The following ABI3BP variants were observed in gnomAD, a reference collection of about 807,000 sequenced individuals.
ABI3BP encodes the protein target of Nesh-SH3.
In ABI3BP, 216 loss-of-function variants were observed where a neutral mutation model predicts 268.6. That is an observed-to-expected ratio of 0.80 (90% CI 0.72 to 0.90). The LOEUF is 0.90. Among genes scored for constraint, ABI3BP ranks in the 40% least tolerant of loss-of-function variants. The pLI is 0.00. For synonymous variants in ABI3BP, 730 were observed against 730.0 expected, an observed-to-expected ratio of 1.00 and a Z score of 0.00; for missense variants, 2,090 against 2,182.4, an observed-to-expected ratio of 0.96 and a Z score of 0.84.
intron 1 of ABI3BP, chr3:100,952,795 G>T (rs2075555656): frequency 6.7e-6 from 1 of 149,330 alleles, no homozygotes; most frequent in Non-Finnish European, 1.5e-5. Flanking sequence ...TTTTTAGGAA[G>T]AAGCCCATCA....
At position 100,771,819 on chromosome 3, in the gene ABI3BP, C is replaced by T. The variant is rs148355741; in HGVS notation, c.4532-867G>A. 3.7e-3 allele frequency among the ~76,000 whole-genome samples: 569 copies of T among 151,968 alleles called. 5 individuals carry two copies. Among genetic ancestry groups the T allele is most frequent in the Non-Finnish European group, 5.3e-3 (361 of 67,954 alleles). On this transcript the variant is annotated intron_variant, in intron 61 of 67. Coordinates refer to ENST00000471714, the MANE Select transcript of ABI3BP (RefSeq NM_001375547.2). The stretch of plus-strand genomic sequence containing the variant: ...AATTGGAGTACCTGAGGTAAAGAAG[C>T]GGGTGAGCAGAAAAAAATATTTTAA...
At chr3:100,861,311 G>T (rs2153151778) in intron 14 of ABI3BP, among the ~76,000 whole-genome samples, 1 of 152,248 alleles carries the variant, frequency 6.6e-6, no homozygotes, top group East Asian at 1.9e-4. Context: ...ATTTCACCAA[G>T]ATCTGTGGGG....
At chr3:100,778,556 T>C (rs2096776243) in intron 58 of ABI3BP, 180 bp from the exon 59 acceptor site, 1 of 619,166 alleles carries the variant, frequency 1.6e-6, no homozygotes, top group Non-Finnish European at 2.8e-6. Flanking sequence ...AAATAAATGT[T>C]GGTAATGTCC....
Position 100,778,310 on chromosome 3 carries a change from T to C in ABI3BP, c.4307A>G (p.Asn1436Ser), listed in dbSNP as rs1018351608. ...HPRRKPLPPN[N>S]VTGKPGSAGI... The stretch of plus-strand genomic sequence containing the variant: ...TGCACTTCCTGGCTTTCCAGTGACA[T>C]TATTTGGTGGTAAAGGTTTTCTTCG... The change falls in exon 59 of 68, where the codon AAT (asparagine) becomes AGT (serine). Residue 1436 changes from asparagine (N) to serine (S), a missense_variant. Transcript: ENST00000471714. 3 of 1,613,726 alleles carry C rather than the reference T, an allele frequency of 1.9e-6. No individual in the cohort carries two copies. The African/African-American group carries it at 4.0e-5, about 22-fold the overall frequency.
At chr3:100,948,462 T>A (rs867563859) in intron 1 of ABI3BP, among the ~76,000 whole-genome samples, 1 of 152,224 alleles carries the variant, frequency 6.6e-6, no homozygotes, top group Non-Finnish European at 1.5e-5. Flanking sequence ...AAACAGAATG[T>A]GTTACTAAAA....
At chr3:100,939,479 G>A (rs1047870695) in intron 1 of ABI3BP, among the ~76,000 whole-genome samples, 2 of 151,958 alleles carry the variant, frequency 1.3e-5, no homozygotes, top group Non-Finnish European at 2.9e-5. Flanking sequence ...TTAAAGCTGG[G>A]CATCCGGGGA....
chr3:100,830,679 A>T, intron 31 of ABI3BP, 45 bp from the exon 32 acceptor site: 2 of 1,463,766 alleles, frequency 1.4e-6, no homozygotes, highest in African/African-American at 2.8e-5. Flanking sequence ...TTGTGAATGC[A>T]TGAAATGTTG....
intron 1 of ABI3BP, among the ~76,000 whole-genome samples, chr3:100,932,909 C>T (rs78114126): frequency 8.6e-5 from 13 of 151,178 alleles, no homozygotes; most frequent in Admixed American, 6.6e-5. Context: ...ACACATGGTA[C>T]TCAGTGAGAC....
rs550946949 is a variant in ABI3BP, at chr3:100,911,280, T to G, written c.260-8594A>C. 2.1e-4 allele frequency: 66 copies of G among 309,102 alleles called. No individual in the cohort carries two copies. In the East Asian group the frequency reaches 4.9e-3, roughly 23 times the overall value. 19.1% of individuals were successfully genotyped at this position (309,102 alleles called of 1,614,324 possible). A position where few individuals can be genotyped will look rare whatever the true frequency, so the allele number is the denominator to read the frequency against. ...TGTTGTTACAGCTTTTAGAAACATG[T>G]CTGTTTTTTAAAGACACAACACACG... is the stretch of plus-strand genomic sequence containing the variant. On this transcript the variant is annotated intron_variant, in intron 2 of 67. Coordinates refer to ENST00000471714, the MANE Select transcript of ABI3BP (RefSeq NM_001375547.2).
chr3:100,882,651 G>A (rs1004120513), intron 6 of ABI3BP, among the ~76,000 whole-genome samples: 3 of 152,026 alleles, frequency 2.0e-5, no homozygotes, highest in Non-Finnish European at 4.4e-5. Context: ...CATGCAGGAA[G>A]TTGCTTCCTA....
intron 35 of ABI3BP, 107 bp from the exon 36 acceptor site, chr3:100,825,048 T>C (rs2098344686): frequency 2.2e-6 from 2 of 903,958 alleles, no homozygotes; most frequent in African/African-American, 1.7e-5. Context: ...GAAACTTTAG[T>C]TGTTTTTAGT....
intron 31 of ABI3BP, among the ~76,000 whole-genome samples, chr3:100,830,911 T>C (rs911214933): frequency 2.0e-5 from 3 of 152,116 alleles, no homozygotes; most frequent in Admixed American, 6.6e-5. Context: ...TTAACCATGA[T>C]TCGAATGAAC....
intron 51 of ABI3BP, among the ~76,000 whole-genome samples, chr3:100,803,226 A>G (rs2097582897): frequency 1.4e-5 from 2 of 145,904 alleles, no homozygotes; most frequent in African/African-American, 4.9e-5. Flanking sequence ...AAGAATAAAT[A>G]GGGATAGTTG....
At chr3:100,766,373 T>C (rs944370452) in intron 62 of ABI3BP, among the ~76,000 whole-genome samples, 1 of 152,180 alleles carries the variant, frequency 6.6e-6, no homozygotes, top group African/African-American at 2.4e-5. Flanking sequence ...CTTTAGAATA[T>C]AGTTGGGGAA....
At chr3:100,978,752 T>C (rs1320777299) in intron 1 of ABI3BP, among the ~76,000 whole-genome samples, 1 of 152,226 alleles carries the variant, frequency 6.6e-6, no homozygotes, top group Non-Finnish European at 1.5e-5. Context: ...TAAGTTTATA[T>C]TATCCACTTT....
At chr3:100,862,417 ATT>A (rs10567225) in intron 13 of ABI3BP, 32 bp from the exon 14 acceptor site, 25,687 of 1,248,578 alleles carry the variant, frequency 0.021, 57 homozygotes, top group African/African-American at 0.067. Flanking sequence ...TTTGCTGAAG[ATT>A]TTTTTTTTTT....
Position 100,765,924 on chromosome 3 carries a change from A to G in ABI3BP, c.4767T>C (p.Asn1589=). The change falls in exon 63 of 68, where the codon AAT becomes AAC. Residue 1589 remains asparagine, a synonymous_variant. Coordinates refer to ENST00000471714, the MANE Select transcript of ABI3BP (RefSeq NM_001375547.2). ...ACTTGTTCTTCCCACTGAATGACCC[A>G]TTTTCTCTGGATATAACTTCATATT... The part of the protein sequence containing the change: ...VTEYEVISRE[N]GSFSGKNKSI... 1.2e-6 allele frequency: 2 copies of G among 1,612,216 alleles called. No homozygotes were observed. The highest frequency in any genetic ancestry group is 1.1e-5 in the South Asian group (1 of 90,666).
intron 55 of ABI3BP, among the ~76,000 whole-genome samples, chr3:100,790,850 T>C (rs555860509): frequency 6.6e-4 from 100 of 152,120 alleles, no homozygotes; most frequent in African/African-American, 2.3e-3. Context: ...TTCTAGAATA[T>C]GTATAAATTT....
chr3:100,883,561 G>A (rs1253375450), intron 6 of ABI3BP, among the ~76,000 whole-genome samples: 1 of 151,984 alleles, frequency 6.6e-6, no homozygotes, highest in Non-Finnish European at 1.5e-5. Context: ...TCAGCAATCA[G>A]AGAAATAAAA....
Sources: allele counts gnomAD v4.1 joint callset (sites outside exome capture counted in the v4.1 genomes callset), GRCh38; gene constraint gnomAD v4.1.1; transcripts MANE v1.5; gene names NCBI Gene and HGNC (gene_info 2026-07-23, HGNC 2026-07-21).